Variants in CTDSPL observed in about 807,000 individuals in gnomAD.
The protein encoded by CTDSPL is CTD small phosphatase-like protein.
A neutral mutation model predicts 30.5 loss-of-function variants in CTDSPL; 8 were observed. The ratio of observed to expected loss-of-function variants is 0.26; its 90% CI spans 0.15 to 0.47. The LOEUF is 0.47. Ranked by LOEUF, CTDSPL falls within the 20% of genes least tolerant of loss-of-function variation. The probability of loss-of-function intolerance (pLI) is 0.99; values close to 1 mark genes in which losing one functional copy is unlikely to be tolerated. For missense variants in CTDSPL, 248 were observed against 366.1 expected, an observed-to-expected ratio of 0.68 and a Z score of 2.63; for synonymous variants, 110 against 137.9, an observed-to-expected ratio of 0.80 and a Z score of 1.42.
chr3:37,895,598 A>G (rs1698381991), intron 1 of CTDSPL, among the ~76,000 whole-genome samples: 1 of 152,112 alleles, frequency 6.6e-6, no homozygotes, highest in South Asian at 2.1e-4. Context: ...ATCTTTTTCC[A>G]TTTTCCAAGT....
chr3:37,871,938 T>A (rs1698075910), intron 1 of CTDSPL, among the ~76,000 whole-genome samples: 2 of 152,220 alleles, frequency 1.3e-5, no homozygotes, highest in South Asian at 2.1e-4. Context: ...TCAATTATTA[T>A]ATTTTTTAGT....
chr3:37,974,302 G>A (rs1306238913), intron 6 of CTDSPL, among the ~76,000 whole-genome samples: 1 of 152,230 alleles, frequency 6.6e-6, no homozygotes, highest in Non-Finnish European at 1.5e-5. Context: ...GGATGTCCTT[G>A]GAGAGGAGAG....
At chr3:37,948,070 G>A (rs1270398088) in intron 2 of CTDSPL, among the ~76,000 whole-genome samples, 1 of 152,120 alleles carries the variant, frequency 6.6e-6, no homozygotes, top group East Asian at 1.9e-4. Context: ...GATCACCTGA[G>A]GTCAGGAGTT....
intron 1 of CTDSPL, among the ~76,000 whole-genome samples, chr3:37,894,629 TA>T (rs1698371126): frequency 6.6e-6 from 1 of 152,134 alleles, no homozygotes. Context: ...TTGCAGCCAT[TA>T]AAAAAATATG....
intron 4 of CTDSPL, 24 bp downstream of exon 4, chr3:37,964,696 C>A: frequency 3.4e-6 from 5 of 1,490,106 alleles, no homozygotes; most frequent in Non-Finnish European, 4.7e-6. Context: ...AAAAAAAAAT[C>A]CATGATCTTT....
chr3:37,968,705 G>A (rs558868255), intron 5 of CTDSPL, among the ~76,000 whole-genome samples: 3 of 152,318 alleles, frequency 2.0e-5, no homozygotes, highest in East Asian at 3.9e-4. Context: ...AGCAATGTCA[G>A]TAGTCTTTGG....
At chr3:37,921,448 C>G (rs1320553038) in intron 1 of CTDSPL, among the ~76,000 whole-genome samples, 1 of 152,218 alleles carries the variant, frequency 6.6e-6, no homozygotes, top group Admixed American at 6.5e-5. Flanking sequence ...ACTTTAGAGA[C>G]TGTATTGCAG....
At chr3:37,969,180 A>G (rs1699334187) in intron 5 of CTDSPL, among the ~76,000 whole-genome samples, 1 of 152,268 alleles carries the variant, frequency 6.6e-6, no homozygotes, top group Non-Finnish European at 1.5e-5. Flanking sequence ...GAGGCTGCCC[A>G]ATGGCATAGC....
chr3:37,963,432 G>A (rs1405609233), intron 3 of CTDSPL, among the ~76,000 whole-genome samples: 1 of 152,158 alleles, frequency 6.6e-6, no homozygotes, highest in African/African-American at 2.4e-5. Flanking sequence ...CCACGTAAAA[G>A]GAAATACAGC....
chr3:37,890,733 G>A (rs1014058503), intron 1 of CTDSPL, among the ~76,000 whole-genome samples: 1 of 152,252 alleles, frequency 6.6e-6, no homozygotes, highest in African/African-American at 2.4e-5. Context: ...CTCCTCACAG[G>A]ATGTCCTCCC....
chr3:37,934,819 G>A (rs1339526327), intron 1 of CTDSPL, among the ~76,000 whole-genome samples: 1 of 152,174 alleles, frequency 6.6e-6, no homozygotes, highest in South Asian at 2.1e-4. Context: ...TCATTGTTCT[G>A]TGTTTCCGTC....
chr3:37,952,314 GC>G (rs1477468189), intron 2 of CTDSPL, among the ~76,000 whole-genome samples: 2 of 152,204 alleles, frequency 1.3e-5, no homozygotes, highest in Non-Finnish European at 2.9e-5. Context: ...CACATAAAAA[GC>G]CTGAGTCAGG....
At chr3:37,960,921 A>G (rs975157880) in intron 3 of CTDSPL, among the ~76,000 whole-genome samples, 2 of 152,136 alleles carry the variant, frequency 1.3e-5, no homozygotes, top group African/African-American at 2.4e-5. Context: ...CCCCAAATGT[A>G]TGATATATCT....
chr3:37,928,050 A>G (rs1475305205), intron 1 of CTDSPL, among the ~76,000 whole-genome samples: 9 of 152,118 alleles, frequency 5.9e-5, no homozygotes, highest in Admixed American at 5.2e-4. Flanking sequence ...TCCTCCATCT[A>G]TGCTGTGGCA....
In CTDSPL at chr3:37,975,678, C is replaced by T. The variant is rs745365853; in HGVS notation, c.520-31C>T. 1.9e-6 allele frequency: 3 copies of T among 1,578,798 alleles called. No homozygotes were observed. The East Asian group carries it at 6.8e-5, about 36-fold the overall frequency. On this transcript the variant is annotated intron_variant, in intron 6 of 7. Transcript: ENST00000273179. The surrounding 1 kb of genome is among the most constrained non-coding windows in gnomAD (Gnocchi z 4.9). ...AGGGTTTGGGGGGCTCTTTTAAACA[C>T]CCAGCCTTCATTGTGACACGTCTTT...
At chr3:37,924,781 C>T (rs1190852841) in intron 1 of CTDSPL, among the ~76,000 whole-genome samples, 1 of 152,152 alleles carries the variant, frequency 6.6e-6, no homozygotes, top group Admixed American at 6.5e-5. Flanking sequence ...GACCCAGTGC[C>T]GATGGTAGGA....
chr3:37,896,032 C>G (rs780767259), intron 1 of CTDSPL, among the ~76,000 whole-genome samples: 107 of 152,274 alleles, frequency 7.0e-4, no homozygotes, highest in Non-Finnish European at 1.3e-3. Context: ...TCATTGGGAT[C>G]TGCTTTTATA....
intron 1 of CTDSPL, among the ~76,000 whole-genome samples, chr3:37,910,313 C>CTAA (rs1171264859): frequency 6.6e-6 from 1 of 152,044 alleles, no homozygotes; most frequent in African/African-American, 2.4e-5. Context: ...AACCTCGTCT[C>CTAA]TAATAATAAT....
intron 5 of CTDSPL, among the ~76,000 whole-genome samples, chr3:37,969,895 G>T (rs1360639874): frequency 2.0e-5 from 3 of 152,192 alleles, no homozygotes; most frequent in South Asian, 2.1e-4. Context: ...AAAATGACTT[G>T]GTTCTGTATA....
Sources: gnomAD v4.1 joint callset for allele counts (sites outside exome capture counted in the v4.1 genomes callset) on GRCh38, gnomAD v4.1.1 for gene constraint, Gnocchi (gnomAD v3.1) non-coding constraint, MANE v1.5 for transcripts, NCBI Gene and HGNC (gene_info 2026-07-23, HGNC 2026-07-21) for gene names.